MRPL44: variants seen among roughly 807,000 people sequenced by gnomAD.
The protein encoded by MRPL44 is mitochondrial ribosomal protein L44.
In MRPL44, 21 loss-of-function variants were observed where a neutral mutation model predicts 25.9. The ratio of observed to expected loss-of-function variants is 0.81; its 90% CI spans 0.58 to 1.17. The LOEUF (loss-of-function observed/expected upper bound fraction) is 1.17, where lower values mean the gene tolerates loss of function less well. Among genes scored for constraint, MRPL44 ranks in the 50% most tolerant of loss-of-function variants. The probability of loss-of-function intolerance (pLI) is 0.00; values close to 1 mark genes in which losing one functional copy is unlikely to be tolerated. For synonymous variants in MRPL44, 169 were observed against 151.0 expected, an observed-to-expected ratio of 1.12 and a Z score of -0.87; for missense variants, 410 against 398.9, an observed-to-expected ratio of 1.03 and a Z score of -0.24.
Position 223,963,824 on chromosome 2 carries a change from G to C in MRPL44, c.717G>C (p.Gly239=). The stretch of plus-strand genomic sequence containing the variant: ...TGTGGAAGATAATAAATCCCATGGG[G>C]CTATTGGTAGAAGAACTGAAGAAAA... ...FEMWKIINPM[G]LLVEELKKRN... The change falls in exon 3 of 4, where the codon GGG becomes GGC. Residue 239 remains glycine (G), a synonymous_variant. Coordinates refer to ENST00000258383, the MANE Select transcript of MRPL44 (RefSeq NM_022915.5). 3.1e-6 allele frequency: 5 copies of C among 1,613,754 alleles called. No individual in the cohort carries two copies. Among genetic ancestry groups the C allele is most frequent in the Non-Finnish European group, 4.2e-6 (5 of 1,179,828 alleles).
intron 1 of MRPL44, among the ~76,000 whole-genome samples, chr2:223,958,463 C>CA (rs1689605929): frequency 6.6e-6 from 1 of 152,080 alleles, no homozygotes; most frequent in African/African-American, 2.4e-5. Context: ...AAGATTATAG[C>CA]AAAAAATAAA....
At position 223,959,959 on chromosome 2, in the gene MRPL44, T is replaced by C; in HGVS notation, c.605T>C (p.Leu202Pro). The C allele has an allele frequency of 6.2e-7, 1 of 1,614,188 alleles. No homozygotes were observed. Among genetic ancestry groups the C allele is most frequent in the South Asian group, 1.1e-5 (1 of 91,084 alleles). Reference protein sequence around the residue: ...QQTFFAVIGALLQSSGPERTA... With the variant: ...QQTFFAVIGAPLQSSGPERTA... ...ACTTTCTTTGCAGTTATTGGAGCCC[T>C]GTTACAGAGCAGTGGACCTGAGAGG... is the stretch of plus-strand genomic sequence containing the variant. The change falls in exon 2 of 4, where the codon CTG (leucine) becomes CCG (proline). Residue 202 changes from leucine (L) to proline (P), a missense_variant. Transcript: ENST00000258383.
At chr2:223,953,375 C>T (rs1433319843), upstream of MRPL44, among the ~76,000 whole-genome samples, 9 of 152,034 alleles carry the variant, frequency 5.9e-5, no homozygotes, top group South Asian at 2.1e-4. Flanking sequence ...CCTCATGATC[C>T]GCCTGCCTCG....
the MRPL44 span, among the ~76,000 whole-genome samples, chr2:223,951,487 T>G: frequency 5.0e-5 from 7 of 139,568 alleles, 2 homozygotes; most frequent in South Asian, 1.4e-3. Context: ...AGTTTTTTTT[T>G]TTTTTTTTTT....
At chr2:223,964,006 A>C (rs773268185) in intron 3 of MRPL44, 72 bp downstream of exon 3, 51 of 1,231,902 alleles carry the variant, frequency 4.1e-5, no homozygotes, top group Non-Finnish European at 5.8e-5. Context: ...CAAAGCCTTA[A>C]AAACACTCTT....
intron 2 of MRPL44, among the ~76,000 whole-genome samples, chr2:223,963,162 G>A (rs1305708360): frequency 6.6e-6 from 1 of 151,934 alleles, no homozygotes; most frequent in East Asian, 1.9e-4. Flanking sequence ...TATAAGATAG[G>A]GCAGGGTACG....
At chr2:223,966,600 C>T (rs920520758) in intron 3 of MRPL44, among the ~76,000 whole-genome samples, 3 of 152,120 alleles carry the variant, frequency 2.0e-5, no homozygotes, top group Non-Finnish European at 4.4e-5. Context: ...CAATTGAAAA[C>T]CTAGATACGA....
intron 1 of MRPL44, among the ~76,000 whole-genome samples, chr2:223,958,772 A>G (rs949839297): frequency 2.0e-5 from 3 of 152,236 alleles, no homozygotes; most frequent in Non-Finnish European, 4.4e-5. Context: ...AGACCACGAC[A>G]ATAAAACGAG....
At chr2:223,961,061 A>ATGT (rs1269748750) in intron 2 of MRPL44, among the ~76,000 whole-genome samples, 1 of 152,172 alleles carries the variant, frequency 6.6e-6, no homozygotes, top group Non-Finnish European at 1.5e-5. Flanking sequence ...CATCCACTTA[A>ATGT]TGTTGAGTGC....
In MRPL44 at chr2:223,967,328, G is replaced by A. The variant is rs1169989774; in HGVS notation, c.*294G>A. 1.4e-5 allele frequency: 3 copies of A among 217,662 alleles called. No homozygotes were observed. The highest frequency in any genetic ancestry group is 2.7e-5 in the Non-Finnish European group (3 of 110,316). 13.5% of individuals were successfully genotyped at this position (217,662 alleles called of 1,614,324 possible). ...GCTCACTGCAACCTCCACCTCACAG[G>A]TTCAAGCGATTCTCGTGGCTCAGCC... On this transcript the variant is annotated 3_prime_UTR_variant, in exon 4 of 4. Transcript: ENST00000258383.
At chr2:223,953,106 C>T (rs1484585649), upstream of MRPL44, among the ~76,000 whole-genome samples, 3 of 150,592 alleles carry the variant, frequency 2.0e-5, no homozygotes, top group Non-Finnish European at 4.4e-5. Context: ...ATAACTTATT[C>T]GTATGCAGTA....
Position 223,959,981 on chromosome 2 carries a change from G to A in MRPL44, c.627G>A (p.Glu209=). ...CCCTGTTACAGAGCAGTGGACCTGA[G>A]AGGACTGCACTTTTCATCAGGGTAC... is the stretch of plus-strand genomic sequence containing the variant. ...IGALLQSSGP[E]RTALFIRDFL... is the part of the protein sequence containing the mutation. The change falls in exon 2 of 4, where the codon GAG becomes GAA. Residue 209 remains glutamate, a synonymous_variant. Coordinates refer to ENST00000258383, the MANE Select transcript of MRPL44 (RefSeq NM_022915.5). 1 of 1,613,308 alleles carries A rather than the reference G, an allele frequency of 6.2e-7. No individual in the cohort carries two copies. Among genetic ancestry groups the A allele is most frequent in the Non-Finnish European group, 8.5e-7 (1 of 1,179,618 alleles).
intron 3 of MRPL44, among the ~76,000 whole-genome samples, chr2:223,966,110 C>T (rs753178525): frequency 6.6e-6 from 1 of 152,104 alleles, no homozygotes. Flanking sequence ...TTGGCGGGCA[C>T]CTGTAGTCCC....
At chr2:223,964,228 T>G (rs1689710597) in intron 3 of MRPL44, among the ~76,000 whole-genome samples, 1 of 152,248 alleles carries the variant, frequency 6.6e-6, no homozygotes, top group Non-Finnish European at 1.5e-5. Context: ...CTTAAATTTT[T>G]CTGTGTAGAA....
chr2:223,960,279 G>A (rs1689637852), intron 2 of MRPL44, among the ~76,000 whole-genome samples: 1 of 152,182 alleles, frequency 6.6e-6, no homozygotes. Context: ...GATACTGCCT[G>A]CATGAGAGAT....
intron 3 of MRPL44, among the ~76,000 whole-genome samples, chr2:223,964,965 A>C (rs539018988): frequency 6.6e-6 from 1 of 152,188 alleles, no homozygotes; most frequent in Non-Finnish European, 1.5e-5. Flanking sequence ...ACATGATGGA[A>C]TATAGTACAG....
rs1295742090 is a variant in MRPL44, at chr2:223,963,850, G to C, written c.743G>C (p.Arg248Thr). 2 of 1,613,946 alleles carry C rather than the reference G, an allele frequency of 1.2e-6. No homozygotes were observed. Among genetic ancestry groups the C allele is most frequent in the South Asian group, 2.2e-5 (2 of 91,072 alleles). The change falls in exon 3 of 4, where the codon AGG becomes ACG. Residue 248 changes from arginine (R) to threonine (T), a missense_variant. Transcript: ENST00000258383. ...CTATTGGTAGAAGAACTGAAGAAAA[G>C]GAATGTTTCAGCTCCTGAATCAAGA... ...MGLLVEELKK[R>T]NVSAPESRLT... is the part of the protein sequence containing the mutation.
chr2:223,965,606 T>C (rs1454242595), intron 3 of MRPL44: 1 of 152,218 alleles, frequency 6.6e-6, no homozygotes, highest in Non-Finnish European at 1.5e-5. Context: ...TTATTTGATG[T>C]GCACATTCTA....
rs77548062 is a variant in MRPL44, at chr2:223,959,028, C to T, written c.180-506C>T. 3.6e-3 allele frequency among the ~76,000 whole-genome samples: 548 copies of T among 152,240 alleles called. 3 individuals are homozygous for T. Among genetic ancestry groups the T allele is most frequent in the African/African-American group, 0.013 (529 of 41,546 alleles). On this transcript the variant is annotated intron_variant, in intron 1 of 3. Transcript: ENST00000258383. ...CACAATAGACCGAAGTACAGTGAAA[C>T]GAAGTGTGCCTGTACTACACCATTT...
Sources: allele counts gnomAD v4.1 joint callset (sites outside exome capture counted in the v4.1 genomes callset), GRCh38; gene constraint gnomAD v4.1.1; transcripts MANE v1.5; gene names NCBI Gene and HGNC (gene_info 2026-07-23, HGNC 2026-07-21).